The following DNAJB13 variants were observed in gnomAD, a reference collection of about 807,000 sequenced individuals.
The protein encoded by DNAJB13 is dnaJ homolog subfamily B member 13.
In DNAJB13, 22 loss-of-function variants were observed where a neutral mutation model predicts 35.6. That is an observed-to-expected ratio of 0.62 (90% CI 0.44 to 0.88). DNAJB13 has a LOEUF of 0.88. DNAJB13 is among the 40% of genes least tolerant of loss of function. DNAJB13 has a pLI of 0.00. For missense variants in DNAJB13, 370 were observed against 384.3 expected (o/e 0.96, Z 0.31); for synonymous variants, 136 against 144.2 (o/e 0.94, Z 0.41).
In DNAJB13 at chr11:73,967,463, G is replaced by A. The variant is rs183875131; in HGVS notation, c.607-882G>A. Among the ~76,000 whole-genome samples the A allele has an allele frequency of 3.5e-3, 528 of 152,204 alleles. 5 individuals carry two copies. The highest frequency in any genetic ancestry group is 0.012 in the African/African-American group (512 of 41,528). On this transcript the variant is annotated intron_variant, in intron 5 of 7. Transcript: ENST00000339764. ...TCTCACCTATGAAACATCTACCTCC[G>A]GTCTGGCCTGGTGGCTCACACTTAT...
intron 4 of DNAJB13, 96 bp downstream of exon 4, chr11:73,965,131 C>A (rs1170791006): frequency 1.5e-6 from 2 of 1,336,056 alleles, no homozygotes; most frequent in African/African-American, 1.5e-5. Context: ...CAGGGATGGT[C>A]TCTGATGGAA....
chr11:73,954,399 G>A (rs1040809679), intron 1 of DNAJB13, among the ~76,000 whole-genome samples: 5 of 151,728 alleles, frequency 3.3e-5, no homozygotes, highest in Admixed American at 2.6e-4. Flanking sequence ...GGGAGGCTGA[G>A]GCGGGCGGAT....
At position 73,958,509 on chromosome 11, in the gene DNAJB13, C is replaced by G. The variant is rs1222770213; in HGVS notation, c.172+89C>G. The G allele has an allele frequency of 3.4e-6, 4 of 1,178,580 alleles. No homozygotes were observed. In the Admixed American group the frequency reaches 8.2e-5, roughly 24 times the overall value. 73.0% of individuals were successfully genotyped at this position (1,178,580 alleles called of 1,614,324 possible). A position where few individuals can be genotyped will look rare whatever the true frequency, so the allele number is the denominator to read the frequency against. ...TGGGTTTTCTGAGGGGGCCCAATAA[C>G]GAGGAAGCATCCTTCTTCCCTGCCT... On this transcript the variant is annotated intron_variant, in intron 2 of 7. Coordinates refer to ENST00000339764, the MANE Select transcript of DNAJB13 (RefSeq NM_153614.4).
At position 73,964,978 on chromosome 11, in the gene DNAJB13, C is replaced by T. The variant is rs1951066804; in HGVS notation, c.435C>T (p.Tyr145=). ...ACCCCCAAGTCGAACGGGATCTCTA[C>T]CTGTCCCTGGAGGACTTATTCTTTG... ...KQDPQVERDL[Y]LSLEDLFFGC... Residue 145 remains tyrosine (Y), a synonymous_variant, in exon 4 of 8, where the codon TAC becomes TAT. Transcript: ENST00000339764. 6.2e-7 allele frequency: 1 copy of T among 1,612,314 alleles called. No individual in the cohort carries two copies. The highest frequency in any genetic ancestry group is 1.1e-5 in the South Asian group (1 of 90,862).
At chr11:73,962,056 G>A (rs183031497) in intron 3 of DNAJB13, among the ~76,000 whole-genome samples, 125 of 152,288 alleles carry the variant, frequency 8.2e-4, no homozygotes, top group African/African-American at 2.9e-3. Context: ...TCCTCCCAAA[G>A]TGCTGGGATT....
At position 73,958,063 on chromosome 11, in the gene DNAJB13, T is replaced by C. The variant is rs538494423; in HGVS notation, c.69-254T>C. ...CTGGTATCCCCACCACACGTAAGCATTGAGGGCAGCTCAGGGGCAGTTGCT... is the reference window on the plus strand; with the variant it reads ...CTGGTATCCCCACCACACGTAAGCACTGAGGGCAGCTCAGGGGCAGTTGCT... On this transcript the variant is annotated intron_variant, in intron 1 of 7. Coordinates refer to ENST00000339764, the MANE Select transcript of DNAJB13 (RefSeq NM_153614.4). 5.9e-5 allele frequency among the ~76,000 whole-genome samples: 9 copies of C among 152,280 alleles called. No individual in the cohort carries two copies. The South Asian group carries it at 1.0e-3, about 18-fold the overall frequency.
intron 6 of DNAJB13, among the ~76,000 whole-genome samples, chr11:73,968,966 C>T (rs1278973688): frequency 1.3e-5 from 2 of 152,214 alleles, no homozygotes; most frequent in Non-Finnish European, 2.9e-5. Context: ...TCCTGCCCCA[C>T]TCCTGAATGG....
chr11:73,962,303 G>A (rs926788754), intron 3 of DNAJB13, among the ~76,000 whole-genome samples: 12 of 151,416 alleles, frequency 7.9e-5, no homozygotes, highest in Non-Finnish European at 1.2e-4. Flanking sequence ...TCCCAGCCTA[G>A]CATCTGACAA....
chr11:73,958,433 G>T lies in DNAJB13; in HGVS notation c.172+13G>T, dbSNP rs371804623. The T allele has an allele frequency of 2.5e-6, 4 of 1,610,952 alleles. No homozygotes were observed. On this transcript the variant is annotated intron_variant, in intron 2 of 7. Transcript: ENST00000339764. ...GTGCTGAGTGACCGTGAGTAGGTGT[G>T]GGGCTGAGCACCCCGCTTGATTAGG...
intron 1 of DNAJB13, among the ~76,000 whole-genome samples, chr11:73,954,194 C>T (rs1023411636): frequency 6.6e-5 from 10 of 151,258 alleles, no homozygotes; most frequent in Non-Finnish European, 1.3e-4. Context: ...GGTGTAGTGG[C>T]GCATGCCTGT....
At chr11:73,952,107 T>G (rs183900729) in intron 1 of DNAJB13, among the ~76,000 whole-genome samples, 44 of 152,302 alleles carry the variant, frequency 2.9e-4, no homozygotes, top group African/African-American at 1.0e-3. Flanking sequence ...GCTGAATAGA[T>G]GTTGAATAAG....
intron 5 of DNAJB13, 26 bp downstream of exon 5, chr11:73,966,277 G>T (rs935456785): frequency 6.3e-7 from 1 of 1,596,516 alleles, no homozygotes; most frequent in Non-Finnish European, 8.6e-7. Flanking sequence ...GCTGACTCAG[G>T]TCAGTCACTG....
At chr11:73,963,515 G>A (rs1950993211) in intron 3 of DNAJB13, 1 of 152,224 alleles carries the variant, frequency 6.6e-6, no homozygotes, top group Non-Finnish European at 1.5e-5. Flanking sequence ...CTCAGGCAGT[G>A]CCCAGAAGCT....
chr11:73,964,808 TGTGTGCGC>T (rs1350565690), intron 3 of DNAJB13, 62 bp from the exon 4 acceptor site: 7 of 726,530 alleles, frequency 9.6e-6, no homozygotes, highest in African/African-American at 6.7e-5. Flanking sequence ...TGTGTGTGTG[TGTGTGCGC>T]GCGCGCGCAT....
chr11:73,964,829 C>T (rs368198915), intron 3 of DNAJB13, 49 bp from the exon 4 acceptor site: 1 of 1,422,948 alleles, frequency 7.0e-7, no homozygotes, highest in Admixed American at 2.1e-5. Context: ...GCGCGCATGT[C>T]TGGGTCTCTG....
intron 3 of DNAJB13, among the ~76,000 whole-genome samples, chr11:73,960,247 T>C (rs11235961): frequency 0.37 from 56,232 of 152,072 alleles, 11,464 homozygotes; most frequent in African/African-American, 0.54. Flanking sequence ...GCATGATCTC[T>C]GCTCACTGCA....
chr11:73,956,290 A>G (rs1950739267), intron 1 of DNAJB13, among the ~76,000 whole-genome samples: 1 of 152,172 alleles, frequency 6.6e-6, no homozygotes, highest in Non-Finnish European at 1.5e-5. Flanking sequence ...ACCTGAGTCG[A>G]AAGTTGAAGG....
chr11:73,951,724 G>A (rs964380715), intron 1 of DNAJB13, among the ~76,000 whole-genome samples: 2 of 152,112 alleles, frequency 1.3e-5, no homozygotes, highest in Non-Finnish European at 2.9e-5. Flanking sequence ...TCGGCTCACC[G>A]CAACCTCCAC....
chr11:73,966,109 A>G, intron 4 of DNAJB13, 29 bp from the exon 5 acceptor site: 1 of 1,596,684 alleles, frequency 6.3e-7, no homozygotes, highest in Non-Finnish European at 8.5e-7. Flanking sequence ...TCCTAAGCAG[A>G]CCTCCCCACA....
Sources: gnomAD v4.1 joint callset for allele counts (sites outside exome capture counted in the v4.1 genomes callset) on GRCh38, gnomAD v4.1.1 for gene constraint, MANE v1.5 for transcripts, NCBI Gene and HGNC (gene_info 2026-07-23, HGNC 2026-07-21) for gene names.